The following CCNH variants were observed in gnomAD, a reference collection of about 807,000 sequenced individuals.
CCNH encodes cyclin H.
CCNH carries 31 observed loss-of-function variants against 41.9 expected under a neutral mutation model. The observed-to-expected ratio is 0.74, with a 90% CI of 0.56 to 1.00. The LOEUF (loss-of-function observed/expected upper bound fraction) is 1.00, where lower values mean the gene tolerates loss of function less well. Ranked by LOEUF, CCNH falls within the 50% of genes least tolerant of loss-of-function variation. The probability of loss-of-function intolerance (pLI) is 0.00; values close to 1 mark genes in which losing one functional copy is unlikely to be tolerated. For missense variants in CCNH, 362 were observed against 388.4 expected (o/e 0.93, Z 0.57); for synonymous variants, 138 against 136.1 (o/e 1.01, Z -0.10).
intron 9 of CCNH, among the ~76,000 whole-genome samples, chr5:87,327,981 AAG>A (rs763164073): frequency 1.3e-5 from 2 of 152,036 alleles, no homozygotes; most frequent in Non-Finnish European, 2.9e-5. Context: ...AAAAAAAAAA[AAG>A]AGAGAGAACT....
At chr5:87,327,214 A>G (rs562388420) in intron 9 of CCNH, among the ~76,000 whole-genome samples, 19 of 152,206 alleles carry the variant, frequency 1.2e-4, no homozygotes, top group Non-Finnish European at 2.4e-4. Context: ...CCTTTTATAG[A>G]TGAGGAAACT....
chr5:87,362,289 G>T (rs2112455296), intron 9 of CCNH, among the ~76,000 whole-genome samples: 1 of 152,244 alleles, frequency 6.6e-6, no homozygotes, highest in South Asian at 2.1e-4. Flanking sequence ...AGCTTATTAG[G>T]TATCCATGGA....
At chr5:87,350,026 C>T (rs1426546601) in intron 9 of CCNH, among the ~76,000 whole-genome samples, 1 of 151,864 alleles carries the variant, frequency 6.6e-6, no homozygotes, top group Admixed American at 6.6e-5. Flanking sequence ...CAGAGGCTGG[C>T]ATAATCTTGT....
At chr5:87,392,132 T>C (rs1762571196), downstream of CCNH, 6 of 394,986 alleles carry the variant, frequency 1.5e-5, no homozygotes, top group South Asian at 9.9e-5. Flanking sequence ...ATAGGACATA[T>C]GGAACATACG....
At chr5:87,381,474 G>A (rs1198784447), upstream of CCNH, among the ~76,000 whole-genome samples, 1 of 152,148 alleles carries the variant, frequency 6.6e-6, no homozygotes, top group Non-Finnish European at 1.5e-5. Flanking sequence ...GTCATGTCAT[G>A]CTATATGTAA....
At chr5:87,379,346 C>CT (rs925622501), upstream of CCNH, among the ~76,000 whole-genome samples, 1 of 152,084 alleles carries the variant, frequency 6.6e-6, no homozygotes, top group Non-Finnish European at 1.5e-5. Context: ...TAAATGTACT[C>CT]TGCTGACACT....
At chr5:87,313,286 T>G in the CCNH span, among the ~76,000 whole-genome samples, 1 of 152,132 alleles carries the variant, frequency 6.6e-6, no homozygotes, top group South Asian at 2.1e-4. Flanking sequence ...GAATTTTGGC[T>G]CTCCCTGGAG....
intron 9 of CCNH, chr5:87,332,359 A>C: frequency 1.3e-6 from 1 of 751,968 alleles, no homozygotes; most frequent in East Asian, 2.8e-5. Flanking sequence ...ACTGTGATGA[A>C]GATACTAATA....
intron 5 of CCNH, 130 bp downstream of exon 5, chr5:87,404,714 G>T: frequency 5.9e-6 from 4 of 679,866 alleles, no homozygotes; most frequent in South Asian, 2.3e-5. Flanking sequence ...TCCTCAAAAG[G>T]CAATTTCATT....
chr5:87,324,188 C>G (rs770826364), intron 9 of CCNH, among the ~76,000 whole-genome samples: 6 of 152,130 alleles, frequency 3.9e-5, no homozygotes, highest in Non-Finnish European at 8.8e-5. Context: ...AGAATTGATA[C>G]TGTTTTGAGG....
intron 8 of CCNH, 173 bp downstream of exon 8, chr5:87,394,871 G>A: frequency 2.1e-6 from 3 of 1,397,788 alleles, no homozygotes; most frequent in Non-Finnish European, 2.8e-6. Flanking sequence ...ACAGAAGAGA[G>A]AAAAATCCCT....
At chr5:87,408,218 G>A (rs772384578) in intron 3 of CCNH, 32 bp from the exon 4 acceptor site, 29 of 1,021,098 alleles carry the variant, frequency 2.8e-5, no homozygotes, top group Non-Finnish European at 1.5e-6. Context: ...CAGGAGGCAG[G>A]GGGTGGGTGG....
downstream of CCNH, chr5:87,376,213 A>G (rs537047054): frequency 2.9e-6 from 2 of 686,850 alleles, no homozygotes; most frequent in South Asian, 3.7e-5. Context: ...ATCAGAGTTT[A>G]GTGCACCGTA....
In CCNH at chr5:87,335,419, G is replaced by GTTTT. The variant is rs34986349; in HGVS notation, c.*91-16526_*91-16523dup. Among the ~76,000 whole-genome samples the GTTTT allele has an allele frequency of 2.8e-3, 202 of 72,934 alleles. 1 individual carries two copies. The highest frequency in any genetic ancestry group is 0.014 in the Middle Eastern group (1 of 74). The allele number at this position is 72,934 out of a possible 152,430, so 47.8% of individuals were successfully genotyped here. A position where few individuals can be genotyped will look rare whatever the true frequency, so the allele number is the denominator to read the frequency against. ...ATAGGTGAAGATAATAAAGAATGAG[G>GTTTT]TTTTTTTTTTTTTTTTTTTTTTTTT... On this transcript the variant is annotated intron_variant and NMD_transcript_variant, in intron 9 of 9. Coordinates refer to the CCNH transcript ENST00000645953.
intron 9 of CCNH, among the ~76,000 whole-genome samples, chr5:87,365,563 TGAAAA>T (rs951910087): frequency 2.0e-5 from 3 of 152,152 alleles, no homozygotes; most frequent in Non-Finnish European, 2.9e-5. Flanking sequence ...AGGAGGTTCT[TGAAAA>T]GAACATAATG....
intron 9 of CCNH, among the ~76,000 whole-genome samples, chr5:87,383,019 G>A (rs2112507293): frequency 6.6e-6 from 1 of 152,134 alleles, no homozygotes; most frequent in South Asian, 2.1e-4. Flanking sequence ...TTGATCCCAG[G>A]GGTTCAAGGT....
At chr5:87,388,759 T>G (rs1762246251), downstream of CCNH, among the ~76,000 whole-genome samples, 1 of 152,208 alleles carries the variant, frequency 6.6e-6, no homozygotes, top group African/African-American at 2.4e-5. Context: ...AGTTCCTACT[T>G]ATATGCATTA....
chr5:87,356,790 C>T (rs545756474), intron 9 of CCNH, among the ~76,000 whole-genome samples: 70 of 152,256 alleles, frequency 4.6e-4, no homozygotes, highest in African/African-American at 1.5e-3. Context: ...ACGTGCACTG[C>T]GAAACCAAAA....
chr5:87,374,114 A>C, downstream of CCNH: 2 of 1,270,042 alleles, frequency 1.6e-6, no homozygotes, highest in Non-Finnish European at 1.0e-6. Context: ...ATGTAGTGCA[A>C]TTCTAGAAAT....
Sources: allele counts gnomAD v4.1 joint callset (sites outside exome capture counted in the v4.1 genomes callset), GRCh38; gene constraint gnomAD v4.1.1; transcripts MANE v1.5; gene names NCBI Gene and HGNC (gene_info 2026-07-23, HGNC 2026-07-21).